The following PDE10A variants were observed in gnomAD, a reference collection of about 807,000 sequenced individuals.
The protein encoded by PDE10A is phosphodiesterase 10A.
A neutral mutation model predicts 97.7 loss-of-function variants in PDE10A; 39 were observed. That is an observed-to-expected ratio of 0.40 (90% CI 0.31 to 0.52). The LOEUF (loss-of-function observed/expected upper bound fraction) is 0.52, where lower values mean the gene tolerates loss of function less well. Among genes scored for constraint, PDE10A ranks in the 20% least tolerant of loss-of-function variants. PDE10A has a pLI of 0.56. For missense variants in PDE10A, 731 were observed against 1,047.8 expected, an observed-to-expected ratio of 0.70 and a Z score of 4.17; for synonymous variants, 371 against 376.8, an observed-to-expected ratio of 0.98 and a Z score of 0.18.
At chr6:165,722,084 T>A (rs1792180065) in intron 1 of PDE10A, among the ~76,000 whole-genome samples, 1 of 152,324 alleles carries the variant, frequency 6.6e-6, no homozygotes, top group Non-Finnish European at 1.5e-5. Flanking sequence ...TTGCAAAAAT[T>A]TTCAAGTGGC....
chr6:165,543,326 C>A, intron 2 of PDE10A, 114 bp downstream of exon 2: 1 of 682,836 alleles, frequency 1.5e-6, no homozygotes, highest in Non-Finnish European at 2.3e-6. Context: ...GATAGAATTA[C>A]AGTGTTAATA....
chr6:165,374,722 G>C (rs967960193), intron 18 of PDE10A, among the ~76,000 whole-genome samples: 2 of 148,856 alleles, frequency 1.3e-5, no homozygotes, highest in African/African-American at 4.9e-5. Context: ...ATTGCATTTT[G>C]CCTGATTGTG....
At position 165,591,200 on chromosome 6, in the gene PDE10A, T is replaced by A. The variant is rs186969539; in HGVS notation, c.866-47632A>T. 1.4e-3 allele frequency among the ~76,000 whole-genome samples: 207 copies of A among 152,238 alleles called. 3 individuals are homozygous for A. The highest frequency in any genetic ancestry group is 4.8e-3 in the African/African-American group (201 of 41,536). Reference sequence around the variant, plus strand: ...TTTGGTAACATGGAAAAAAGTGAATTGTGTTGCAGCCGTATCTATAAGTCC... The same window carrying A: ...TTTGGTAACATGGAAAAAAGTGAATAGTGTTGCAGCCGTATCTATAAGTCC... On this transcript the variant is annotated intron_variant, in intron 1 of 21. Coordinates refer to ENST00000539869, the MANE Select transcript of PDE10A (RefSeq NM_001385079.1).
chr6:165,851,743 G>A (rs182562839), intron 1 of PDE10A, among the ~76,000 whole-genome samples: 210 of 152,222 alleles, frequency 1.4e-3, no homozygotes, highest in Non-Finnish European at 2.4e-3. Flanking sequence ...CAAAAGCCTT[G>A]GGTCAGGGAT....
Position 165,682,091 on chromosome 6 carries a change from T to G in PDE10A, c.-614-138523A>C, listed in dbSNP as rs555884196. Among the ~76,000 whole-genome samples, 14 of 152,314 alleles carry G rather than the reference T, an allele frequency of 9.2e-5. No homozygotes were observed. In the East Asian group the frequency reaches 2.5e-3, roughly 27 times the overall value. ...CTATAAAAGTAGCCAACTGTATCTCTTACTTGAGACTGAAGGTTTTTATTC... is the reference window on the plus strand; with the variant it reads ...CTATAAAAGTAGCCAACTGTATCTCGTACTTGAGACTGAAGGTTTTTATTC... On this transcript the variant is annotated intron_variant, in intron 1 of 19. Transcript: ENST00000366882.
intron 1 of PDE10A, among the ~76,000 whole-genome samples, chr6:165,726,981 A>G (rs1256403445): frequency 6.6e-6 from 1 of 152,214 alleles, no homozygotes; most frequent in African/African-American, 2.4e-5. Context: ...GCCACCACAG[A>G]AACGCCCCCG....
chr6:165,800,275 A>G (rs1240018761), intron 1 of PDE10A, among the ~76,000 whole-genome samples: 2 of 152,180 alleles, frequency 1.3e-5, no homozygotes, highest in Non-Finnish European at 2.9e-5. Context: ...GGGGGCTGAG[A>G]AAGGCTCGTT....
rs560360675 is a variant in PDE10A, at chr6:165,336,659, C to G, written c.2977-448G>C. Among the ~76,000 whole-genome samples, 455 of 145,820 alleles carry G rather than the reference C, an allele frequency of 3.1e-3. 3 individuals are homozygous for G. The highest frequency in any genetic ancestry group is 0.011 in the African/African-American group (414 of 38,790). ...AGCTACTCGGGAGGCTGAGGCAGGA[C>G]AATGGCGTCAACCCGGGAAGCGGAG... On this transcript the variant is annotated intron_variant, in intron 20 of 21. Transcript: ENST00000539869.
chr6:165,567,342 G>A (rs908929664), intron 1 of PDE10A, among the ~76,000 whole-genome samples: 5 of 152,190 alleles, frequency 3.3e-5, no homozygotes, highest in Non-Finnish European at 4.4e-5. Flanking sequence ...TTTCAATCAA[G>A]GAAGCTAAGA....
At chr6:165,842,358 C>G (rs1197613555) in intron 1 of PDE10A, among the ~76,000 whole-genome samples, 1 of 152,122 alleles carries the variant, frequency 6.6e-6, no homozygotes, top group Non-Finnish European at 1.5e-5. Context: ...ACAAATGTAC[C>G]CATTAGAGTC....
intron 1 of PDE10A, among the ~76,000 whole-genome samples, chr6:165,632,249 C>T (rs1788668656): frequency 1.4e-5 from 2 of 142,316 alleles, no homozygotes; most frequent in African/African-American, 2.6e-5. Flanking sequence ...TTACAGGAAA[C>T]GGAATGAACA....
intron 1 of PDE10A, among the ~76,000 whole-genome samples, chr6:165,578,352 T>C (rs1404668931): frequency 6.6e-6 from 1 of 152,088 alleles, no homozygotes; most frequent in Non-Finnish European, 1.5e-5. Context: ...CCTGCAAGAA[T>C]CCAGAAGCAC....
At chr6:165,463,375 G>A (rs1778440549) in intron 3 of PDE10A, among the ~76,000 whole-genome samples, 1 of 152,158 alleles carries the variant, frequency 6.6e-6, no homozygotes, top group African/African-American at 2.4e-5. Flanking sequence ...ACTGGTTTTT[G>A]GATACAGCAA....
At chr6:165,509,330 A>G (rs1460323606) in intron 2 of PDE10A, among the ~76,000 whole-genome samples, 2 of 152,036 alleles carry the variant, frequency 1.3e-5, no homozygotes, top group Non-Finnish European at 2.9e-5. Context: ...CCATTTATTG[A>G]AGACGGTTGT....
At chr6:165,499,291 A>T (rs2128293570) in intron 2 of PDE10A, among the ~76,000 whole-genome samples, 1 of 152,338 alleles carries the variant, frequency 6.6e-6, no homozygotes, top group African/African-American at 2.4e-5. Flanking sequence ...GTACACTTAC[A>T]TCTCCAGAAG....
At chr6:165,692,777 A>G (rs913916139) in intron 1 of PDE10A, among the ~76,000 whole-genome samples, 7 of 152,244 alleles carry the variant, frequency 4.6e-5, no homozygotes, top group African/African-American at 1.7e-4. Flanking sequence ...ATCATATTGT[A>G]TCCACCTTTC....
At chr6:165,617,958 GTT>G in intron 1 of PDE10A, among the ~76,000 whole-genome samples, 1 of 152,164 alleles carries the variant, frequency 6.6e-6, no homozygotes, top group South Asian at 2.1e-4. Context: ...AGGCACAGTG[GTT>G]CACTCCTGTA....
intron 1 of PDE10A, among the ~76,000 whole-genome samples, chr6:165,927,678 A>G (rs1305838610): frequency 8.4e-6 from 1 of 118,532 alleles, no homozygotes; most frequent in Non-Finnish European, 1.7e-5. Context: ...ATATATATAT[A>G]GTTTTTTGTT....
intron 1 of PDE10A, among the ~76,000 whole-genome samples, chr6:165,835,602 C>T (rs1024651027): frequency 6.6e-6 from 1 of 152,218 alleles, no homozygotes. Context: ...TCTCACAGCC[C>T]TTCCAGGGAG....
Sources: gnomAD v4.1 joint callset for allele counts (sites outside exome capture counted in the v4.1 genomes callset) on GRCh38, gnomAD v4.1.1 for gene constraint, MANE v1.5 for transcripts, NCBI Gene and HGNC (gene_info 2026-07-23, HGNC 2026-07-21) for gene names.